The following SLC6A11 variants were observed in gnomAD, a reference collection of about 807,000 sequenced individuals.
SLC6A11 encodes the protein sodium- and chloride-dependent GABA transporter 3.
A neutral mutation model predicts 74.8 loss-of-function variants in SLC6A11; 25 were observed. The ratio of observed to expected loss-of-function variants is 0.33; its 90% CI spans 0.24 to 0.47. The LOEUF (loss-of-function observed/expected upper bound fraction) is 0.47. SLC6A11 is among the 20% of genes least tolerant of loss of function. The pLI, the probability that SLC6A11 is intolerant of heterozygous loss-of-function variation, is 1.00. For synonymous variants in SLC6A11, 330 were observed against 330.2 expected (o/e 1.00, Z 0.01); for missense variants, 574 against 837.0 (o/e 0.69, Z 3.88).
At chr3:10,914,400 C>T (rs1461319158) in intron 7 of SLC6A11, among the ~76,000 whole-genome samples, 1 of 152,160 alleles carries the variant, frequency 6.6e-6, no homozygotes, top group South Asian at 2.1e-4. Flanking sequence ...GCCCTGGAAT[C>T]GGTGCCATGG....
rs1207981025 is a variant in SLC6A11, at chr3:10,857,301, T to TGGCTATAG, written c.756+12958_756+12965dup. Among the ~76,000 whole-genome samples, 3 of 152,124 alleles carry TGGCTATAG rather than the reference T, an allele frequency of 2.0e-5. No individual in the cohort carries two copies. The East Asian group carries it at 5.8e-4, about 29-fold the overall frequency. The stretch of plus-strand genomic sequence containing the variant: ...TGGTGTGGAAAGGGAGAGCCAAGGA[T>TGGCTATAG]GGCTATAGGGGTTGGGAAGCCATAG... On this transcript the variant is annotated intron_variant, in intron 5 of 13. Coordinates refer to ENST00000254488, the MANE Select transcript of SLC6A11 (RefSeq NM_014229.3).
Position 10,934,150 on chromosome 3 carries a change from C to A in SLC6A11, c.1559C>A (p.Thr520Asn), listed in dbSNP as rs1211695891. ...SLIKWCWMIM[T>N]PGICAGIFIF... is the part of the protein sequence containing the mutation. Reference sequence around the variant, plus strand: ...ATTAAGTGGTGCTGGATGATCATGACCCCTGGGATCTGCGCGGTAAGGGCC... The same window carrying A: ...ATTAAGTGGTGCTGGATGATCATGAACCCTGGGATCTGCGCGGTAAGGGCC... Residue 520 changes from threonine (T) to asparagine (N), a missense_variant, in exon 12 of 14, where the codon ACC becomes AAC. By Grantham distance (65) the Thr-to-Asn change is moderately conservative (BLOSUM62 0). This residue lies in a region of SLC6A11 where 257 missense variants were observed against 341.5 expected (regional missense o/e 0.75). Coordinates refer to ENST00000254488, the MANE Select transcript of SLC6A11 (RefSeq NM_014229.3). 5 of 1,612,350 alleles carry A rather than the reference C, an allele frequency of 3.1e-6. No homozygotes were observed. The highest frequency in any genetic ancestry group is 3.4e-6 in the Non-Finnish European group (4 of 1,178,508).
At position 10,920,049 on chromosome 3, in the gene SLC6A11, C is replaced by T. The variant is rs1380136534; in HGVS notation, c.1120+1596C>T. On this transcript the variant is annotated intron_variant, in intron 8 of 13. Transcript: ENST00000254488. ...CCCTGCGAGGAGGGATCATTGCCTTCTCAGTAGTAGCATTGCTTCTGTGAG... is the reference window on the plus strand; with the variant it reads ...CCCTGCGAGGAGGGATCATTGCCTTTTCAGTAGTAGCATTGCTTCTGTGAG... Among the ~76,000 whole-genome samples, 5 of 152,196 alleles carry T rather than the reference C, an allele frequency of 3.3e-5. 1 individual carries two copies. Among genetic ancestry groups the T allele is most frequent in the South Asian group, 4.1e-4 (2 of 4,832 alleles).
At chr3:10,878,404 CT>C (rs34982364) in intron 6 of SLC6A11, among the ~76,000 whole-genome samples, 263 of 128,138 alleles carry the variant, frequency 2.1e-3, no homozygotes, top group Admixed American at 4.8e-3. Context: ...TCCACTCATC[CT>C]TTTTTTTTTT....
intron 6 of SLC6A11, among the ~76,000 whole-genome samples, chr3:10,907,741 A>G (rs893162196): frequency 6.6e-6 from 1 of 152,208 alleles, no homozygotes. Flanking sequence ...CAGGAAAAGA[A>G]AAAGAGAGCC....
At chr3:10,841,304 A>T (rs1694434312) in intron 4 of SLC6A11, among the ~76,000 whole-genome samples, 1 of 152,130 alleles carries the variant, frequency 6.6e-6, no homozygotes, top group African/African-American at 2.4e-5. Flanking sequence ...GCTCATTAAG[A>T]AAGCTTTTTC....
chr3:10,860,314 G>A (rs148504402), intron 5 of SLC6A11, among the ~76,000 whole-genome samples: 53 of 152,288 alleles, frequency 3.5e-4, no homozygotes, highest in African/African-American at 1.1e-3. Flanking sequence ...TTCCGGCAGT[G>A]GAAACTACAT....
chr3:10,904,452 G>A (rs1013541463), intron 6 of SLC6A11, among the ~76,000 whole-genome samples: 3 of 152,212 alleles, frequency 2.0e-5, no homozygotes, highest in Non-Finnish European at 2.9e-5. Flanking sequence ...AATGTGGACC[G>A]CCCACAGCTG....
rs1695813912 is a variant in SLC6A11 at position 10,940,668 on chromosome 3, A to C, written c.*2266A>C. Reference sequence around the variant, plus strand: ...TTTTATTGGGCATTCAAAGGGTGCAAGATTGTCTGCTTACTCATTTTTAAA... The same window carrying C: ...TTTTATTGGGCATTCAAAGGGTGCACGATTGTCTGCTTACTCATTTTTAAA... On this transcript the variant is annotated 3_prime_UTR_variant, in exon 14 of 14. Coordinates refer to ENST00000254488, the MANE Select transcript of SLC6A11 (RefSeq NM_014229.3). 1.3e-5 allele frequency: 2 copies of C among 152,208 alleles called. No individual in the cohort carries two copies. 9.4% of individuals were successfully genotyped at this position (152,208 alleles called of 1,614,324 possible). A position where few individuals can be genotyped will look rare whatever the true frequency, so the allele number is the denominator to read the frequency against.
At chr3:10,848,104 C>A (rs545558159) in intron 5 of SLC6A11, among the ~76,000 whole-genome samples, 1 of 152,292 alleles carries the variant, frequency 6.6e-6, no homozygotes, top group South Asian at 2.1e-4. Flanking sequence ...GAAAAAGTCC[C>A]CAGACCCTTC....
At chr3:10,873,956 T>C (rs2655272) in intron 5 of SLC6A11, among the ~76,000 whole-genome samples, 16 of 143,516 alleles carry the variant, frequency 1.1e-4, no homozygotes, top group Admixed American at 7.4e-4. Flanking sequence ...TCCTATGCTA[T>C]GCTACGCTAT....
intron 4 of SLC6A11, 155 bp downstream of exon 4, chr3:10,823,547 G>A: frequency 1.6e-6 from 1 of 611,204 alleles, no homozygotes; most frequent in East Asian, 2.8e-5. Context: ...GGAAGCAAGA[G>A]TGCAGATCTT....
At chr3:10,869,198 T>C (rs1446741344) in intron 5 of SLC6A11, among the ~76,000 whole-genome samples, 1 of 152,144 alleles carries the variant, frequency 6.6e-6, no homozygotes, top group African/African-American at 2.4e-5. Context: ...GGCAAGAAAA[T>C]TGCTGATGGA....
At chr3:10,859,849 TCTA>T (rs1312300967) in intron 5 of SLC6A11, among the ~76,000 whole-genome samples, 4 of 152,224 alleles carry the variant, frequency 2.6e-5, no homozygotes, top group Non-Finnish European at 5.9e-5. Context: ...TTCCAATTAA[TCTA>T]CTATCCACTG....
At chr3:10,892,374 C>A (rs1369645771) in intron 6 of SLC6A11, among the ~76,000 whole-genome samples, 10 of 152,230 alleles carry the variant, frequency 6.6e-5, no homozygotes, top group African/African-American at 2.4e-5. Flanking sequence ...TGCTGCTCAG[C>A]CTCCTATGCT....
chr3:10,887,534 C>G (rs1298753741), intron 6 of SLC6A11, among the ~76,000 whole-genome samples: 2 of 152,172 alleles, frequency 1.3e-5, no homozygotes, highest in Non-Finnish European at 2.9e-5. Context: ...CAACCTCTGT[C>G]TCCCGGGTTC....
Position 10,925,824 on chromosome 3 carries a change from C to T in SLC6A11, c.1121-180C>T, listed in dbSNP as rs1221640638. ...CTTTCTGCCTCAACTTGCTCATCTG[C>T]AAAATGGGCATCAGAATAGCACCAA... On this transcript the variant is annotated intron_variant, in intron 8 of 13. Transcript: ENST00000254488. 2.6e-5 allele frequency among the ~76,000 whole-genome samples: 4 copies of T among 152,148 alleles called. No homozygotes were observed. The East Asian group carries it at 5.8e-4, about 22-fold the overall frequency.
At chr3:10,870,754 G>A (rs1420064255) in intron 5 of SLC6A11, among the ~76,000 whole-genome samples, 2 of 152,156 alleles carry the variant, frequency 1.3e-5, no homozygotes, top group African/African-American at 4.8e-5. Flanking sequence ...CTCCACTTGT[G>A]TGCCTTACAT....
chr3:10,821,453 T>G (rs971284945), intron 3 of SLC6A11, among the ~76,000 whole-genome samples: 4 of 152,202 alleles, frequency 2.6e-5, no homozygotes, highest in African/African-American at 7.2e-5. Context: ...ACCATAGGAA[T>G]GAAGGTTTTG....
Sources: allele counts gnomAD v4.1 joint callset (sites outside exome capture counted in the v4.1 genomes callset), GRCh38; gene constraint gnomAD v4.1.1; regional missense constraint gnomAD v4.1.1; transcripts MANE v1.5; gene names NCBI Gene and HGNC (gene_info 2026-07-23, HGNC 2026-07-21).